CFAP54: variants seen among roughly 807,000 people sequenced by gnomAD.
The protein encoded by CFAP54 is cilia and flagella associated protein 54, also known as cilia- and flagella-associated protein 54.
In CFAP54, 290 loss-of-function variants were observed where a neutral mutation model predicts 370.4. That is an observed-to-expected ratio of 0.78 (90% CI 0.71 to 0.86). The LOEUF is 0.86. CFAP54 is among the 40% of genes least tolerant of loss of function. The pLI is 0.00. For missense variants in CFAP54, 3,399 were observed against 3,528.7 expected (o/e 0.96, Z 0.93); for synonymous variants, 1,206 against 1,236.5 (o/e 0.98, Z 0.52).
Position 96,616,219 on chromosome 12 carries a change from C to T in CFAP54, c.3640-5371C>T, listed in dbSNP as rs187770678. 4.5e-3 allele frequency among the ~76,000 whole-genome samples: 689 copies of T among 152,166 alleles called. 4 individuals are homozygous for T. The highest frequency in any genetic ancestry group is 0.016 in the African/African-American group (658 of 41,498). On this transcript the variant is annotated intron_variant, in intron 26 of 67. Transcript: ENST00000524981. The stretch of plus-strand genomic sequence containing the variant: ...GAGTTCATGTCCTTTGTGGGGACAT[C>T]GATGAAGCTGGAAACCATCATTCTC...
At chr12:96,866,016 A>C (rs12301039) in intron 67 of CFAP54, among the ~76,000 whole-genome samples, 58,115 of 151,958 alleles carry the variant, frequency 0.38, 11,666 homozygotes, top group East Asian at 0.54. Context: ...CCTCACTATA[A>C]TTTAAATTAT....
intron 48 of CFAP54, among the ~76,000 whole-genome samples, chr12:96,717,244 T>C (rs1957693815): frequency 6.6e-6 from 1 of 152,190 alleles, no homozygotes; most frequent in Non-Finnish European, 1.5e-5. Flanking sequence ...GTCTCCATCA[T>C]TGTCTCTGTC....
chr12:96,708,031 C>T (rs1391668673), intron 47 of CFAP54, among the ~76,000 whole-genome samples: 4 of 152,042 alleles, frequency 2.6e-5, no homozygotes, highest in African/African-American at 9.7e-5. Flanking sequence ...TTTCTCCAGC[C>T]GTTTTCCACC....
At position 96,543,518 on chromosome 12, in the gene CFAP54, C is replaced by T. The variant is rs563940741; in HGVS notation, c.2077+2531C>T. On this transcript the variant is annotated intron_variant, in intron 14 of 67. Coordinates refer to ENST00000524981, the MANE Select transcript of CFAP54 (RefSeq NM_001306084.2). The stretch of plus-strand genomic sequence containing the variant: ...CTCCTAACTTCTTTCATTCCTTTTG[C>T]ATTTATTATACTGAAGTCTTCAATG... 2.0e-5 allele frequency among the ~76,000 whole-genome samples: 3 copies of T among 152,280 alleles called. No homozygotes were observed. The East Asian group carries it at 5.8e-4, about 29-fold the overall frequency.
intron 36 of CFAP54, 65 bp from the exon 37 acceptor site, chr12:96,657,817 T>G (rs1685560040): frequency 8.6e-7 from 1 of 1,159,294 alleles, no homozygotes; most frequent in Non-Finnish European, 1.2e-6. Context: ...TACATTCAGT[T>G]TTCAGAAAAA....
At chr12:96,648,684 A>G (rs768242697) in intron 34 of CFAP54, among the ~76,000 whole-genome samples, 80 of 139,328 alleles carry the variant, frequency 5.7e-4, no homozygotes, top group Non-Finnish European at 1.1e-3. Context: ...CGCCTCCTGA[A>G]TTCAAGCGAT....
At chr12:96,526,386 C>T (rs1955381340) in intron 8 of CFAP54, among the ~76,000 whole-genome samples, 1 of 152,192 alleles carries the variant, frequency 6.6e-6, no homozygotes, top group South Asian at 2.1e-4. Context: ...TAAAGCTGAT[C>T]AATTCTTTCT....
chr12:96,752,085 TGAGAGAGAGAGAGAGAGAGAGAGA>T (rs55648812), intron 55 of CFAP54, among the ~76,000 whole-genome samples: 5 of 90,624 alleles, frequency 5.5e-5, no homozygotes, highest in African/African-American at 1.6e-4. Context: ...TCTTCCTGGA[TGAGAGAGAGAGAGAGAGAGAGAGA>T]GAGAGAGAGA....
intron 65 of CFAP54, among the ~76,000 whole-genome samples, chr12:96,825,040 C>G (rs1036161417): frequency 6.6e-6 from 1 of 151,028 alleles, no homozygotes; most frequent in East Asian, 1.9e-4. Flanking sequence ...TGACTCCCCC[C>G]ACCCTACGCG....
At chr12:96,596,780 C>T (rs534496981) in intron 25 of CFAP54, among the ~76,000 whole-genome samples, 4 of 151,856 alleles carry the variant, frequency 2.6e-5, no homozygotes, top group East Asian at 1.9e-4. Context: ...TCTCCAAATG[C>T]GACAGAGGGC....
intron 65 of CFAP54, among the ~76,000 whole-genome samples, chr12:96,828,358 G>A (rs867769754): frequency 6.6e-6 from 1 of 151,890 alleles, no homozygotes; most frequent in Non-Finnish European, 1.5e-5. Context: ...CCAAGACTGT[G>A]CTCAGTCCTG....
intron 19 of CFAP54, among the ~76,000 whole-genome samples, chr12:96,567,914 A>G (rs144996237): frequency 1.4e-3 from 216 of 152,208 alleles, no homozygotes; most frequent in African/African-American, 5.0e-3. Context: ...AGGCTTAATG[A>G]TCAATCCCTA....
intron 35 of CFAP54, 62 bp downstream of exon 35, chr12:96,650,134 G>C (rs537380771): frequency 7.4e-7 from 1 of 1,343,172 alleles, no homozygotes; most frequent in Non-Finnish European, 1.0e-6. Context: ...CAACTTGGGC[G>C]TTTAAGATAC....
intron 14 of CFAP54, among the ~76,000 whole-genome samples, chr12:96,545,624 C>T (rs948816373): frequency 3.2e-4 from 49 of 152,212 alleles, no homozygotes; most frequent in African/African-American, 1.2e-3. Flanking sequence ...CCAGTCATCT[C>T]TTATGGGATC....
intron 62 of CFAP54, 61 bp downstream of exon 62, chr12:96,786,959 C>T (rs1470236250): frequency 8.4e-7 from 1 of 1,189,072 alleles, no homozygotes; most frequent in Middle Eastern, 2.4e-4. Context: ...CATTATATTT[C>T]AGAAGGAAAC....
intron 9 of CFAP54, among the ~76,000 whole-genome samples, chr12:96,529,224 T>A (rs1050145534): frequency 1.3e-5 from 2 of 152,174 alleles, no homozygotes; most frequent in African/African-American, 4.8e-5. Flanking sequence ...ACTATGTATT[T>A]TTTGTTGTTG....
chr12:96,742,475 C>T lies in CFAP54; in HGVS notation c.7108C>T (p.Pro2370Ser). ...ENKDDSEFLD[P>S]ISLNAREYFN... ...TAAAGATGACAGTGAGTTTTTAGAT[C>T]CTATTTCCCTAAATGCCCGAGAATA... The change falls in exon 52 of 68, where the codon CCT becomes TCT. Residue 2370 changes from proline to serine, a missense_variant. Pro to Ser is a moderately conservative substitution (Grantham distance 74). This residue lies in a region of CFAP54 where 2,796 missense variants were observed against 2,869.7 expected (regional missense o/e 0.97). Transcript: ENST00000524981. 2 of 1,601,152 alleles carry T rather than the reference C, an allele frequency of 1.2e-6. No individual in the cohort carries two copies. The highest frequency in any genetic ancestry group is 1.7e-6 in the Non-Finnish European group (2 of 1,169,246).
intron 66 of CFAP54, among the ~76,000 whole-genome samples, chr12:96,843,835 T>G (rs899112151): frequency 2.6e-5 from 4 of 152,176 alleles, no homozygotes; most frequent in African/African-American, 9.7e-5. Context: ...TAAATTAGGG[T>G]GAACATTTCT....
chr12:96,642,884 A>T (rs576824429), intron 32 of CFAP54, among the ~76,000 whole-genome samples: 1 of 152,072 alleles, frequency 6.6e-6, no homozygotes, highest in African/African-American at 2.4e-5. Flanking sequence ...TGATAGGAGG[A>T]AAAGCATTCT....
Sources: gnomAD v4.1 joint callset for allele counts (sites outside exome capture counted in the v4.1 genomes callset) on GRCh38, gnomAD v4.1.1 for gene constraint, gnomAD v4.1.1 regional missense constraint, MANE v1.5 for transcripts, NCBI Gene and HGNC (gene_info 2026-07-23, HGNC 2026-07-21) for gene names.